PDE10A: variants seen among roughly 807,000 people sequenced by gnomAD.
PDE10A encodes the protein phosphodiesterase 10A.
In PDE10A, 39 loss-of-function variants were observed where a neutral mutation model predicts 97.7. That is an observed-to-expected ratio of 0.40 (90% CI 0.31 to 0.52). The LOEUF is 0.52. Ranked by LOEUF, PDE10A falls within the 20% of genes least tolerant of loss-of-function variation. The probability of loss-of-function intolerance (pLI) is 0.56; values close to 1 mark genes in which losing one functional copy is unlikely to be tolerated. For synonymous variants in PDE10A, 371 were observed against 376.8 expected, an observed-to-expected ratio of 0.98 and a Z score of 0.18; for missense variants, 731 against 1,047.8, an observed-to-expected ratio of 0.70 and a Z score of 4.17.
intron 1 of PDE10A, among the ~76,000 whole-genome samples, chr6:165,772,682 A>G (rs755851721): frequency 3.9e-5 from 6 of 152,164 alleles, no homozygotes; most frequent in Non-Finnish European, 7.3e-5. Flanking sequence ...TTATTTTCCA[A>G]ATAAATCTAG....
intron 2 of PDE10A, among the ~76,000 whole-genome samples, chr6:165,489,402 A>T (rs1296027575): frequency 1.3e-5 from 2 of 152,194 alleles, no homozygotes; most frequent in African/African-American, 4.8e-5. Flanking sequence ...AAGGGGAAGA[A>T]AATCACATCA....
intron 1 of PDE10A, among the ~76,000 whole-genome samples, chr6:165,933,071 T>A (rs1241516027): frequency 6.6e-6 from 1 of 152,168 alleles, no homozygotes; most frequent in African/African-American, 2.4e-5. Context: ...TTTGTGGATA[T>A]GAAGACATTA....
At chr6:165,630,902 A>G (rs1051918792) in intron 1 of PDE10A, among the ~76,000 whole-genome samples, 2 of 152,186 alleles carry the variant, frequency 1.3e-5, no homozygotes, top group African/African-American at 4.8e-5. Context: ...CAGCTCCTCT[A>G]GAATCGGCTG....
intron 1 of PDE10A, among the ~76,000 whole-genome samples, chr6:165,839,589 A>G (rs895624268): frequency 6.6e-6 from 1 of 152,096 alleles, no homozygotes; most frequent in African/African-American, 2.4e-5. Context: ...TGGGAATTGA[A>G]ATAGCTTCCT....
chr6:165,561,151 G>A (rs1963096), intron 1 of PDE10A, among the ~76,000 whole-genome samples: 17,388 of 151,450 alleles, frequency 0.11, 1,383 homozygotes, highest in African/African-American at 0.22. Context: ...CCCAGGAGGC[G>A]GAGGTTGCAG....
intron 1 of PDE10A, among the ~76,000 whole-genome samples, chr6:165,561,515 C>A (rs9355540): frequency 0.077 from 11,667 of 152,200 alleles, 817 homozygotes; most frequent in East Asian, 0.33. Flanking sequence ...AATACACCAT[C>A]AGAAAAGGGA....
At chr6:165,658,457 T>A (rs941100059) in intron 1 of PDE10A, among the ~76,000 whole-genome samples, 1 of 152,168 alleles carries the variant, frequency 6.6e-6, no homozygotes, top group Non-Finnish European at 1.5e-5. Flanking sequence ...TCTCTTTATG[T>A]CATCAGAGTA....
intron 1 of PDE10A, among the ~76,000 whole-genome samples, chr6:165,621,875 G>C (rs966651334): frequency 6.6e-6 from 1 of 152,166 alleles, no homozygotes; most frequent in African/African-American, 2.4e-5. Context: ...TCACTGTGAT[G>C]GTTAACTCTA....
intron 1 of PDE10A, among the ~76,000 whole-genome samples, chr6:165,640,114 G>A (rs1270711966): frequency 1.3e-5 from 2 of 151,728 alleles, no homozygotes; most frequent in Non-Finnish European, 2.9e-5. Context: ...TCGACTAAAG[G>A]TCTTTAAGTT....
At chr6:165,745,992 T>G (rs1474362178) in intron 1 of PDE10A, among the ~76,000 whole-genome samples, 11 of 152,214 alleles carry the variant, frequency 7.2e-5, no homozygotes, top group Admixed American at 7.2e-4. Context: ...TGTTATACTA[T>G]TCTTTGTATA....
At chr6:165,707,548 T>C (rs1277244137) in intron 1 of PDE10A, among the ~76,000 whole-genome samples, 2 of 152,178 alleles carry the variant, frequency 1.3e-5, no homozygotes, top group African/African-American at 4.8e-5. Flanking sequence ...ACATTTTCAT[T>C]GCTTTTCACC....
rs1409750455 is a variant in PDE10A at position 165,331,370 on chromosome 6, A to T, written c.*1655T>A. On this transcript the variant is annotated 3_prime_UTR_variant, in exon 22 of 22. Transcript: ENST00000539869. ...AGAAGCCCACAAGAAAACTGAACAC[A>T]TAGTGTTAATTTTAAAATAAGAACA... The T allele has an allele frequency of 6.6e-6, 1 of 152,238 alleles. No homozygotes were observed. The highest frequency in any genetic ancestry group is 1.5e-5 in the Non-Finnish European group (1 of 68,040). 9.4% of individuals were successfully genotyped at this position (152,238 alleles called of 1,614,324 possible). A position where few individuals can be genotyped will look rare whatever the true frequency, so the allele number is the denominator to read the frequency against.
intron 1 of PDE10A, among the ~76,000 whole-genome samples, chr6:165,585,594 G>A (rs1350949751): frequency 1.3e-5 from 2 of 152,046 alleles, no homozygotes; most frequent in South Asian, 4.2e-4. Flanking sequence ...AGGAATGCCT[G>A]GAGCCACCAG....
At chr6:165,883,447 G>C (rs550195357) in intron 1 of PDE10A, among the ~76,000 whole-genome samples, 1 of 151,866 alleles carries the variant, frequency 6.6e-6, no homozygotes, top group African/African-American at 2.4e-5. Flanking sequence ...GAGGCTGAGG[G>C]AGGAGACTCG....
intron 1 of PDE10A, among the ~76,000 whole-genome samples, chr6:165,682,082 C>T (rs909591248): frequency 2.6e-5 from 4 of 152,184 alleles, no homozygotes; most frequent in African/African-American, 9.7e-5. Context: ...AAGTAGCCAA[C>T]TGTATCTCTT....
chr6:165,559,085 A>G (rs1784400220), intron 1 of PDE10A, among the ~76,000 whole-genome samples: 1 of 152,254 alleles, frequency 6.6e-6, no homozygotes, highest in South Asian at 2.1e-4. Flanking sequence ...AAGCAGTAGG[A>G]TATGTCAAAG....
At chr6:165,598,065 C>T (rs1422265948) in intron 1 of PDE10A, among the ~76,000 whole-genome samples, 1 of 152,180 alleles carries the variant, frequency 6.6e-6, no homozygotes, top group Non-Finnish European at 1.5e-5. Flanking sequence ...GCCAACAAAC[C>T]ACTCACAACT....
chr6:165,825,416 T>C (rs1294619397), intron 1 of PDE10A, among the ~76,000 whole-genome samples: 2 of 152,164 alleles, frequency 1.3e-5, no homozygotes, highest in Non-Finnish European at 2.9e-5. Context: ...CTAGCAGGCC[T>C]CAAGCTGTGT....
At chr6:165,885,974 GTA>G in intron 1 of PDE10A, among the ~76,000 whole-genome samples, 1 of 152,270 alleles carries the variant, frequency 6.6e-6, no homozygotes, top group East Asian at 1.9e-4. Context: ...AGACGTCTGT[GTA>G]TGTGTATTCG....
Sources: gnomAD v4.1 joint callset for allele counts (sites outside exome capture counted in the v4.1 genomes callset) on GRCh38, gnomAD v4.1.1 for gene constraint, MANE v1.5 for transcripts, NCBI Gene and HGNC (gene_info 2026-07-23, HGNC 2026-07-21) for gene names.